GPC5: variants seen among roughly 807,000 people sequenced by gnomAD.
GPC5 encodes glypican 5, also known as glypican-5.
A neutral mutation model predicts 53.9 loss-of-function variants in GPC5; 47 were observed. The observed-to-expected ratio is 0.87, with a 90% CI of 0.69 to 1.11. The LOEUF (loss-of-function observed/expected upper bound fraction) is 1.11, where lower values mean the gene tolerates loss of function less well. GPC5 is among the 50% of genes most tolerant of loss of function. The probability of loss-of-function intolerance (pLI) is 0.00; values close to 1 mark genes in which losing one functional copy is unlikely to be tolerated. For synonymous variants in GPC5, 286 were observed against 263.3 expected, an observed-to-expected ratio of 1.09 and a Z score of -0.84; for missense variants, 748 against 713.1, an observed-to-expected ratio of 1.05 and a Z score of -0.56.
chr13:92,584,719 A>G (rs1313892319), intron 7 of GPC5, among the ~76,000 whole-genome samples: 2 of 152,094 alleles, frequency 1.3e-5, no homozygotes, highest in African/African-American at 4.8e-5. Context: ...CTTTCATCAC[A>G]GGCCCAGAGG....
intron 3 of GPC5, among the ~76,000 whole-genome samples, chr13:91,699,244 A>T (rs1301409728): frequency 6.6e-6 from 1 of 152,218 alleles, no homozygotes; most frequent in Non-Finnish European, 1.5e-5. Flanking sequence ...TGAAAAGTTG[A>T]CAAGATATTG....
At chr13:91,684,634 G>T (rs1421121749) in intron 2 of GPC5, among the ~76,000 whole-genome samples, 1 of 152,172 alleles carries the variant, frequency 6.6e-6, no homozygotes, top group Admixed American at 6.6e-5. Flanking sequence ...AGCAATGACT[G>T]TCACCCATAC....
chr13:91,655,863 A>G (rs2034832963), intron 2 of GPC5, among the ~76,000 whole-genome samples: 1 of 152,064 alleles, frequency 6.6e-6, no homozygotes, highest in African/African-American at 2.4e-5. Flanking sequence ...CCGGTGTTCA[A>G]CTCCCAGAGG....
intron 7 of GPC5, among the ~76,000 whole-genome samples, chr13:92,640,734 A>G (rs1434517383): frequency 6.6e-6 from 1 of 152,190 alleles, no homozygotes; most frequent in Non-Finnish European, 1.5e-5. Context: ...GAAATAGGCA[A>G]TAGCTTGAAG....
chr13:91,837,090 T>G (rs1432671478), intron 5 of GPC5, among the ~76,000 whole-genome samples: 3 of 150,470 alleles, frequency 2.0e-5, no homozygotes, highest in Non-Finnish European at 4.4e-5. Context: ...TATATTTAAA[T>G]ATATAAGAGA....
At chr13:92,383,630 T>G (rs760577099) in intron 7 of GPC5, among the ~76,000 whole-genome samples, 2 of 152,320 alleles carry the variant, frequency 1.3e-5, no homozygotes, top group Non-Finnish European at 2.9e-5. Context: ...ACAAACAGTT[T>G]TAGTCAACAA....
chr13:91,870,129 G>A (rs186288834), intron 5 of GPC5, among the ~76,000 whole-genome samples: 5 of 152,166 alleles, frequency 3.3e-5, no homozygotes, highest in Admixed American at 6.5e-5. Context: ...GGCCTAACAC[G>A]CTCCATCAGA....
At chr13:91,893,312 A>G (rs959086093) in intron 5 of GPC5, among the ~76,000 whole-genome samples, 1 of 152,002 alleles carries the variant, frequency 6.6e-6, no homozygotes, top group Non-Finnish European at 1.5e-5. Context: ...TTGTATTTTT[A>G]TTTCTTCACC....
intron 7 of GPC5, among the ~76,000 whole-genome samples, chr13:92,764,027 T>G: frequency 6.6e-6 from 1 of 152,172 alleles, no homozygotes; most frequent in East Asian, 1.9e-4. Context: ...AGGGCTGGGC[T>G]GTCCCAGCTC....
At chr13:91,859,008 T>TC (rs779479344) in intron 5 of GPC5, among the ~76,000 whole-genome samples, 30 of 146,818 alleles carry the variant, frequency 2.0e-4, no homozygotes, top group Non-Finnish European at 3.0e-4. Flanking sequence ...GTCACCTTTT[T>TC]CATCTCTGAT....
chr13:91,442,472 G>A (rs978401532), intron 1 of GPC5, among the ~76,000 whole-genome samples: 1 of 152,188 alleles, frequency 6.6e-6, no homozygotes, highest in Non-Finnish European at 1.5e-5. Context: ...TGTAAGCACA[G>A]TGTTGTGCAA....
At chr13:92,307,653 A>G (rs1349837992) in intron 7 of GPC5, among the ~76,000 whole-genome samples, 2 of 152,242 alleles carry the variant, frequency 1.3e-5, no homozygotes, top group African/African-American at 2.4e-5. Context: ...GTGTAAAACA[A>G]AAGTCATAAA....
chr13:91,677,471 A>G (rs2035410119), intron 2 of GPC5, among the ~76,000 whole-genome samples: 1 of 152,182 alleles, frequency 6.6e-6, no homozygotes, highest in Non-Finnish European at 1.5e-5. Context: ...AGGTTTTAAA[A>G]TGGAAGATTT....
At chr13:91,537,273 C>T (rs1886636049) in intron 2 of GPC5, among the ~76,000 whole-genome samples, 1 of 151,880 alleles carries the variant, frequency 6.6e-6, no homozygotes, top group East Asian at 1.9e-4. Flanking sequence ...ATATTAACAA[C>T]ACTGATAAAA....
intron 2 of GPC5, among the ~76,000 whole-genome samples, chr13:91,588,583 C>A (rs1363732604): frequency 2.0e-5 from 3 of 152,120 alleles, no homozygotes; most frequent in African/African-American, 7.2e-5. Flanking sequence ...AACTTTCTAA[C>A]TTAAAAATTA....
At chr13:92,723,313 C>A (rs141124696) in intron 7 of GPC5, among the ~76,000 whole-genome samples, 1 of 38,734 alleles carries the variant, frequency 2.6e-5, no homozygotes, top group Non-Finnish European at 4.6e-5. Flanking sequence ...GATTTCTTAA[C>A]CCTCCGAATA....
At chr13:91,872,354 T>C (rs1341972646) in intron 5 of GPC5, among the ~76,000 whole-genome samples, 1 of 152,074 alleles carries the variant, frequency 6.6e-6, no homozygotes, top group Non-Finnish European at 1.5e-5. Flanking sequence ...AAATAAAATA[T>C]AACTTATAAG....
chr13:92,335,533 C>T (rs2043316209), intron 7 of GPC5, among the ~76,000 whole-genome samples: 1 of 152,190 alleles, frequency 6.6e-6, no homozygotes. Context: ...ATGCAAATTT[C>T]TGCAGCTCGC....
chr13:91,754,519 A>G (rs2037247419), intron 4 of GPC5, among the ~76,000 whole-genome samples: 1 of 152,136 alleles, frequency 6.6e-6, no homozygotes, highest in Admixed American at 6.6e-5. Flanking sequence ...ACAATTTTAC[A>G]TCATCAATTT....
Sources: gnomAD v4.1 joint callset for allele counts (sites outside exome capture counted in the v4.1 genomes callset) on GRCh38, gnomAD v4.1.1 for gene constraint, MANE v1.5 for transcripts, NCBI Gene and HGNC (gene_info 2026-07-23, HGNC 2026-07-21) for gene names.